Variants in WNT7B observed in about 807,000 individuals in gnomAD.
WNT7B encodes the protein protein Wnt-7b.
Under a neutral mutation model 38.2 loss-of-function variants are expected in WNT7B, and 19 were observed. That is an observed-to-expected ratio of 0.50 (90% CI 0.35 to 0.73). The LOEUF (loss-of-function observed/expected upper bound fraction) is 0.73. WNT7B is among the 30% of genes least tolerant of loss of function. The pLI, the probability that WNT7B is intolerant of heterozygous loss-of-function variation, is 0.01. For synonymous variants in WNT7B, 243 were observed against 209.3 expected (o/e 1.16, Z -1.39); for missense variants, 423 against 507.9 (o/e 0.83, Z 1.61).
At chr22:45,926,265 C>A (rs1946643135) in intron 3 of WNT7B, 31 of 985,236 alleles carry the variant, frequency 3.1e-5, no homozygotes, top group Non-Finnish European at 3.4e-5. Context: ...CTGAGACCGG[C>A]CCCCTGCCCC....
chr22:45,963,945 C>T (rs551142789), intron 1 of WNT7B, among the ~76,000 whole-genome samples: 1 of 152,080 alleles, frequency 6.6e-6, no homozygotes, highest in Admixed American at 6.5e-5. Flanking sequence ...TGACCCCCCG[C>T]ACCTCCAGGA....
chr22:45,964,374 G>A (rs1299871279), intron 1 of WNT7B, among the ~76,000 whole-genome samples: 1 of 152,144 alleles, frequency 6.6e-6, no homozygotes, highest in African/African-American at 2.4e-5. Flanking sequence ...CAGTGATGGG[G>A]CCGAACAAGC....
At chr22:45,924,761 T>TCATCA (rs1569108586) in intron 3 of WNT7B, among the ~76,000 whole-genome samples, 1 of 135,388 alleles carries the variant, frequency 7.4e-6, no homozygotes, top group Non-Finnish European at 1.6e-5. Flanking sequence ...GGCCCTAGGC[T>TCATCA]GGCAGGTGGG....
At chr22:45,940,730 G>T (rs1293212261) in intron 2 of WNT7B, among the ~76,000 whole-genome samples, 1 of 152,218 alleles carries the variant, frequency 6.6e-6, no homozygotes, top group Non-Finnish European at 1.5e-5. Flanking sequence ...GGAGCCAGCA[G>T]GGTAGGGTGG....
Position 45,976,547 on chromosome 22 carries a change from A to T in WNT7B, c.71+137T>A. 1.1e-6 allele frequency: 1 copy of T among 910,712 alleles called. No homozygotes were observed. The highest frequency in any genetic ancestry group is 1.7e-6 in the Non-Finnish European group (1 of 600,222). 56.4% of individuals were successfully genotyped at this position (910,712 alleles called of 1,614,324 possible). A position where few individuals can be genotyped will look rare whatever the true frequency, so the allele number is the denominator to read the frequency against. On this transcript the variant is annotated intron_variant, in intron 1 of 3. Transcript: ENST00000339464. The surrounding 1 kb of genome is among the most constrained non-coding windows in gnomAD (Gnocchi z 8.5). ...TCTGCTGGCGTGGGGCGAGGGTCTGACACACGGGCCAGCCCCGGAGCCCAG... is the reference window on the plus strand; with the variant it reads ...TCTGCTGGCGTGGGGCGAGGGTCTGTCACACGGGCCAGCCCCGGAGCCCAG...
intron 1 of WNT7B, among the ~76,000 whole-genome samples, chr22:45,958,973 G>A (rs1018078179): frequency 5.9e-5 from 9 of 152,156 alleles, no homozygotes; most frequent in African/African-American, 2.2e-4. Flanking sequence ...ACTGAGTCAC[G>A]GGCCCTCCCC....
chr22:45,951,431 A>T lies in WNT7B; in HGVS notation c.72-1285T>A, dbSNP rs1300530834. On this transcript the variant is annotated intron_variant, in intron 1 of 3. Transcript: ENST00000339464. This position sits in a 1 kb window ranked among gnomAD's most constrained non-coding sequence, Gnocchi z 4.8. ...CCATAACATAAAATGAACCATTTTG[A>T]AGTGTACAGTTCTGTGGCATTTAAT... Among the ~76,000 whole-genome samples, 1 of 150,016 alleles carries T rather than the reference A, an allele frequency of 6.7e-6. No homozygotes were observed. The highest frequency in any genetic ancestry group is 1.5e-5 in the Non-Finnish European group (1 of 67,970).
chr22:45,952,520 G>A lies in WNT7B; in HGVS notation c.72-2374C>T, dbSNP rs115371759. 8.5e-3 allele frequency among the ~76,000 whole-genome samples: 1,290 copies of A among 152,318 alleles called. 29 individuals are homozygous for A. The highest frequency in any genetic ancestry group is 0.029 in the African/African-American group (1,225 of 41,578). ...CAGCCCAAAGTAATTGTAGATCCTC[G>A]GAAAACCGAGCTGGGGAAATGAGAT... On this transcript the variant is annotated intron_variant, in intron 1 of 3. Transcript: ENST00000339464.
At chr22:45,969,641 C>T (rs1266491795) in intron 1 of WNT7B, among the ~76,000 whole-genome samples, 9 of 152,266 alleles carry the variant, frequency 5.9e-5, no homozygotes, top group Non-Finnish European at 7.3e-5. Flanking sequence ...CCAACACACC[C>T]GTCCAACCTG....
chr22:45,925,433 C>A (rs1205372644), intron 3 of WNT7B: 2 of 985,120 alleles, frequency 2.0e-6, no homozygotes, highest in Non-Finnish European at 2.4e-6. Flanking sequence ...GTGGGAGGAG[C>A]CCGGGTGTCC....
intron 1 of WNT7B, among the ~76,000 whole-genome samples, chr22:45,957,104 C>CAAA (rs34329899): frequency 9.4e-4 from 76 of 80,648 alleles, no homozygotes; most frequent in Middle Eastern, 0.014. Context: ...GACTCTGTCT[C>CAAA]AAAAAAAAAA....
At chr22:45,925,061 G>A (rs924494117) in intron 3 of WNT7B, 1 of 978,352 alleles carries the variant, frequency 1.0e-6, no homozygotes, top group Non-Finnish European at 1.2e-6. Flanking sequence ...GTGCTGGGTG[G>A]GCCCTAGGCT....
intron 2 of WNT7B, chr22:45,936,138 C>T (rs1169650559): frequency 1.7e-5 from 17 of 985,354 alleles, no homozygotes; most frequent in Non-Finnish European, 2.0e-5. Flanking sequence ...CCTGAAGGTT[C>T]CAGCCCTGCG....
chr22:45,948,074 C>T (rs1400865704), intron 2 of WNT7B, among the ~76,000 whole-genome samples: 3 of 152,212 alleles, frequency 2.0e-5, no homozygotes, highest in African/African-American at 4.8e-5. Flanking sequence ...CCTCTCCTGG[C>T]GCAGCGAGGC....
At chr22:45,931,870 G>T (rs995376079) in intron 2 of WNT7B, among the ~76,000 whole-genome samples, 6 of 152,130 alleles carry the variant, frequency 3.9e-5, no homozygotes, top group Non-Finnish European at 5.9e-5. Context: ...ATGGAACCTG[G>T]GGCCACGGGG....
At chr22:45,937,494 TA>T (rs1931541615) in intron 2 of WNT7B, among the ~76,000 whole-genome samples, 2 of 152,184 alleles carry the variant, frequency 1.3e-5, no homozygotes, top group Admixed American at 6.5e-5. Flanking sequence ...TTCATGCCTG[TA>T]GGTGTGACAC....
intron 2 of WNT7B, among the ~76,000 whole-genome samples, chr22:45,933,008 AG>A (rs1931415515): frequency 1.3e-5 from 2 of 152,204 alleles, no homozygotes; most frequent in Admixed American, 1.3e-4. Flanking sequence ...GCTTTGTGCT[AG>A]GGGCTGTGTG....
In WNT7B at chr22:45,975,208, C is replaced by T. The variant is rs1026079633; in HGVS notation, c.71+1476G>A. On this transcript the variant is annotated intron_variant, in intron 1 of 3. Transcript: ENST00000339464. This position sits in a 1 kb window ranked among gnomAD's most constrained non-coding sequence, Gnocchi z 6.6. ...GGTGCCAGGAGGGGGAAGGCCTCAG[C>T]GCTGAGAATCAGGCTGCAGGGACAA... 2.6e-5 allele frequency among the ~76,000 whole-genome samples: 4 copies of T among 152,142 alleles called. No individual in the cohort carries two copies. Among genetic ancestry groups the T allele is most frequent in the African/African-American group, 9.7e-5 (4 of 41,422 alleles).
At chr22:45,943,025 ATGTGTGTGCGCG>A (rs1931699009) in intron 2 of WNT7B, among the ~76,000 whole-genome samples, 1 of 136,586 alleles carries the variant, frequency 7.3e-6, no homozygotes, top group Non-Finnish European at 1.5e-5. Context: ...GTGCATGTGT[ATGTGTGTGCGCG>A]TGTGTGCAGC....
Sources: allele counts gnomAD v4.1 joint callset (sites outside exome capture counted in the v4.1 genomes callset), GRCh38; gene constraint gnomAD v4.1.1; non-coding constraint Gnocchi (gnomAD v3.1); transcripts MANE v1.5; gene names NCBI Gene and HGNC (gene_info 2026-07-23, HGNC 2026-07-21).